Variants in NAV2 observed in about 807,000 individuals in gnomAD.
The protein encoded by NAV2 is helicase, APC down-regulated 1.
NAV2 carries 54 observed loss-of-function variants against 223.2 expected under a neutral mutation model. The observed-to-expected ratio is 0.24, with a 90% CI of 0.19 to 0.30. The LOEUF (loss-of-function observed/expected upper bound fraction) is 0.30, where lower values mean the gene tolerates loss of function less well. Among genes scored for constraint, NAV2 ranks in the 10% least tolerant of loss-of-function variants. The pLI, the probability that NAV2 is intolerant of heterozygous loss-of-function variation, is 1.00. For synonymous variants in NAV2, 1,279 were observed against 1,239.3 expected (o/e 1.03, Z -0.67); for missense variants, 2,806 against 3,147.5 (o/e 0.89, Z 2.60).
At chr11:20,019,116 G>A (rs1565778471) in intron 11 of NAV2, among the ~76,000 whole-genome samples, 1 of 152,206 alleles carries the variant, frequency 6.6e-6, no homozygotes, top group Non-Finnish European at 1.5e-5. Flanking sequence ...CTGTACACTG[G>A]AGAAAGATTG....
chr11:19,885,165 G>T (rs2063452419), intron 5 of NAV2, among the ~76,000 whole-genome samples: 1 of 152,180 alleles, frequency 6.6e-6, no homozygotes, highest in Non-Finnish European at 1.5e-5. Flanking sequence ...TCATCCTCAT[G>T]CCAGGCTTCA....
chr11:19,694,971 C>G (rs2049287781), intron 1 of NAV2, among the ~76,000 whole-genome samples: 1 of 152,140 alleles, frequency 6.6e-6, no homozygotes, highest in Non-Finnish European at 1.5e-5. Context: ...TGACCTGATA[C>G]TCTCTACCTC....
At chr11:19,541,407 G>A (rs146083216) in intron 1 of NAV2, among the ~76,000 whole-genome samples, 1,967 of 152,368 alleles carry the variant, frequency 0.013, 23 homozygotes, top group Admixed American at 0.021. Context: ...GGGATGGAGC[G>A]AAATTTAGGA....
intron 1 of NAV2, among the ~76,000 whole-genome samples, chr11:19,734,099 G>A (rs2052054888): frequency 1.3e-5 from 2 of 152,120 alleles, no homozygotes; most frequent in African/African-American, 4.8e-5. Context: ...AGCCATTGAA[G>A]GAAGAACTAG....
At chr11:19,623,093 C>T (rs1203388467) in intron 1 of NAV2, among the ~76,000 whole-genome samples, 1 of 152,128 alleles carries the variant, frequency 6.6e-6, no homozygotes, top group Non-Finnish European at 1.5e-5. Flanking sequence ...AATATTGGCC[C>T]CCACTCTCTT....
At chr11:19,365,087 A>C (rs986455507) in intron 1 of NAV2, among the ~76,000 whole-genome samples, 1 of 152,212 alleles carries the variant, frequency 6.6e-6, no homozygotes, top group Non-Finnish European at 1.5e-5. Flanking sequence ...TTAGAGCCCA[A>C]GTTTCACAGA....
At chr11:19,820,347 A>T (rs946662131) in intron 1 of NAV2, among the ~76,000 whole-genome samples, 2 of 152,246 alleles carry the variant, frequency 1.3e-5, no homozygotes, top group Non-Finnish European at 2.9e-5. Flanking sequence ...TAATGAACAC[A>T]GGGAGAAAAA....
chr11:19,809,159 A>G (rs375489509), intron 1 of NAV2, among the ~76,000 whole-genome samples: 1 of 152,196 alleles, frequency 6.6e-6, no homozygotes, highest in African/African-American at 2.4e-5. Flanking sequence ...ACAGTTACTA[A>G]TGAGTATTCT....
intron 36 of NAV2, among the ~76,000 whole-genome samples, chr11:20,112,441 G>A (rs1423259719): frequency 8.5e-5 from 13 of 152,132 alleles, no homozygotes; most frequent in African/African-American, 2.7e-4. Flanking sequence ...TGATAGCCAC[G>A]AATACAGAGA....
chr11:19,434,085 A>G (rs1851127137), intron 1 of NAV2, among the ~76,000 whole-genome samples: 1 of 144,218 alleles, frequency 6.9e-6, no homozygotes. Flanking sequence ...CCTCTGTTGG[A>G]TGAAAGGAGA....
intron 1 of NAV2, among the ~76,000 whole-genome samples, chr11:19,831,883 G>T (rs889662791): frequency 3.3e-5 from 5 of 152,194 alleles, no homozygotes; most frequent in African/African-American, 9.7e-5. Context: ...TGAAAATGAT[G>T]CCTGGCTTTT....
intron 11 of NAV2, among the ~76,000 whole-genome samples, chr11:20,028,489 T>C (rs533620185): frequency 4.0e-4 from 61 of 152,220 alleles, no homozygotes; most frequent in Non-Finnish European, 7.9e-4. Flanking sequence ...TGGGGTCTGT[T>C]CTTGATACAC....
chr11:19,931,609 A>AAAAAAAAAAAAAAAAAAAAAAAAAAAG lies in NAV2; in HGVS notation c.932-1567_932-1566insAAAAAAAAAAAAAAAAAAAAAAAAAAG, dbSNP rs10692495. Among the ~76,000 whole-genome samples, 2 of 137,306 alleles carry AAAAAAAAAAAAAAAAAAAAAAAAAAAG rather than the reference A, an allele frequency of 1.5e-5. 1 individual carries two copies. 90.1% of individuals were successfully genotyped at this position (137,306 alleles called of 152,430 possible). On this transcript the variant is annotated intron_variant, in intron 6 of 37. Transcript: ENST00000349880. ...ACATAGGTATTTAAAAAAAAAAAAAAGCAGAAGAAGCAGCCGTTAATCCCG... is the reference window on the plus strand; with the variant it reads ...ACATAGGTATTTAAAAAAAAAAAAAAAAAAAAAAAAAAAAAAAAAAAAAAAAGGCAGAAGAAGCAGCCGTTAATCCCG...
chr11:19,883,112 A>G (rs993716627), intron 5 of NAV2, among the ~76,000 whole-genome samples: 4 of 152,186 alleles, frequency 2.6e-5, no homozygotes, highest in African/African-American at 2.4e-5. Context: ...AACCCCCCAC[A>G]TGCCAGGTTT....
intron 5 of NAV2, among the ~76,000 whole-genome samples, chr11:19,889,594 T>C (rs112130175): frequency 0.014 from 2,080 of 152,278 alleles, 50 homozygotes; most frequent in African/African-American, 0.047. Context: ...CTTCTCCATG[T>C]CCCAAAAGGC....
rs116057810 is a variant in NAV2 at position 19,596,408 on chromosome 11, C to T, written c.76-236076C>T. Among the ~76,000 whole-genome samples the T allele has an allele frequency of 2.3e-3, 343 of 152,348 alleles. 1 individual carries two copies. The highest frequency in any genetic ancestry group is 8.0e-3 in the African/African-American group (332 of 41,586). The stretch of plus-strand genomic sequence containing the variant: ...TTCACCGGCTCCCCAGAAGCCAGCT[C>T]CTCCTTGGGAGGTGAGGTTATACCC... On this transcript the variant is annotated intron_variant, in intron 1 of 37. Transcript: ENST00000360655.
intron 1 of NAV2, among the ~76,000 whole-genome samples, chr11:19,439,793 A>T (rs1023604465): frequency 1.3e-5 from 2 of 152,240 alleles, no homozygotes; most frequent in African/African-American, 4.8e-5. Flanking sequence ...CCTTGTTAAA[A>T]ATCCTTAGAA....
chr11:19,990,404 C>G (rs1167075744), intron 11 of NAV2, among the ~76,000 whole-genome samples: 1 of 152,198 alleles, frequency 6.6e-6, no homozygotes. Context: ...CTGGTCTTGG[C>G]TAACCACTAC....
At chr11:19,677,313 C>T (rs778388354) in intron 1 of NAV2, among the ~76,000 whole-genome samples, 4 of 152,338 alleles carry the variant, frequency 2.6e-5, no homozygotes, top group Non-Finnish European at 4.4e-5. Flanking sequence ...GAATTTTGGC[C>T]GAGCCCAGGG....
Sources: allele counts gnomAD v4.1 joint callset (sites outside exome capture counted in the v4.1 genomes callset), GRCh38; gene constraint gnomAD v4.1.1; transcripts MANE v1.5; gene names NCBI Gene and HGNC (gene_info 2026-07-23, HGNC 2026-07-21).